The following CSMD1 variants were observed in gnomAD, a reference collection of about 807,000 sequenced individuals.
CSMD1 encodes the protein CUB and Sushi multiple domains 1.
A neutral mutation model predicts 417.5 loss-of-function variants in CSMD1; 213 were observed. That is an observed-to-expected ratio of 0.51 (90% CI 0.46 to 0.57). The LOEUF (loss-of-function observed/expected upper bound fraction) is 0.57, where lower values mean the gene tolerates loss of function less well. Ranked by LOEUF, CSMD1 falls within the 20% of genes least tolerant of loss-of-function variation. The pLI, the probability that CSMD1 is intolerant of heterozygous loss-of-function variation, is 0.00. For missense variants in CSMD1, 6,923 were observed against 4,529.7 expected, an observed-to-expected ratio of 1.53 and a Z score of -15.17; for synonymous variants, 2,862 against 1,736.8, an observed-to-expected ratio of 1.65 and a Z score of -16.11.
chr8:4,125,102 G>C (rs113552268), intron 3 of CSMD1, among the ~76,000 whole-genome samples: 11 of 130,000 alleles, frequency 8.5e-5, no homozygotes, highest in Non-Finnish European at 1.6e-4. Context: ...AAGCCGGTGA[G>C]ACCAGGAACA....
At chr8:4,812,260 T>C (rs1798950077) in intron 1 of CSMD1, among the ~76,000 whole-genome samples, 1 of 152,304 alleles carries the variant, frequency 6.6e-6, no homozygotes, top group Non-Finnish European at 1.5e-5. Context: ...CACAGATGAA[T>C]AGTTCTAAGT....
chr8:4,616,123 C>A (rs193191966), intron 2 of CSMD1, among the ~76,000 whole-genome samples: 62 of 152,288 alleles, frequency 4.1e-4, no homozygotes, highest in African/African-American at 1.4e-3. Flanking sequence ...CTTCCTATAA[C>A]ATACTCCCTT....
chr8:4,057,389 T>C (rs1798751313), intron 3 of CSMD1, among the ~76,000 whole-genome samples: 1 of 152,308 alleles, frequency 6.6e-6, no homozygotes, highest in Non-Finnish European at 1.5e-5. Flanking sequence ...TATTTGTTTT[T>C]TTCTTGTAAA....
intron 1 of CSMD1, among the ~76,000 whole-genome samples, chr8:4,773,149 G>C (rs576698097): frequency 6.6e-6 from 1 of 152,084 alleles, no homozygotes; most frequent in Admixed American, 6.5e-5. Flanking sequence ...TAAAAATAAA[G>C]TATCAGAAAT....
intron 3 of CSMD1, among the ~76,000 whole-genome samples, chr8:4,039,949 G>A (rs762838935): frequency 9.9e-5 from 15 of 152,190 alleles, no homozygotes; most frequent in Admixed American, 2.0e-4. Context: ...GTTTATTATA[G>A]AGAATTGTAA....
chr8:3,782,507 G>A (rs1331188198), intron 5 of CSMD1, among the ~76,000 whole-genome samples: 1 of 152,172 alleles, frequency 6.6e-6, no homozygotes, highest in Non-Finnish European at 1.5e-5. Context: ...TAAAAAGGAG[G>A]CTGGGGGAGG....
At chr8:3,472,375 C>G (rs145184467) in intron 11 of CSMD1, among the ~76,000 whole-genome samples, 71 of 152,234 alleles carry the variant, frequency 4.7e-4, no homozygotes, top group African/African-American at 1.5e-3. Context: ...GGGACCTCTA[C>G]TAATGATTTT....
chr8:4,258,634 G>T lies in CSMD1; in HGVS notation c.415+161319C>A, dbSNP rs373609430. On this transcript the variant is annotated intron_variant, in intron 3 of 69. Coordinates refer to ENST00000635120, the MANE Select transcript of CSMD1 (RefSeq NM_033225.6). ...ATAGGGGCACTCATTCTAACATGAG[G>T]GCCCCACCTACCCTCAGAACTTCAT... is the stretch of plus-strand genomic sequence containing the variant. Among the ~76,000 whole-genome samples, 6 of 151,766 alleles carry T rather than the reference G, an allele frequency of 4.0e-5. No homozygotes were observed. In the East Asian group the frequency reaches 1.2e-3, roughly 30 times the overall value.
chr8:3,585,974 A>G (rs1800581624), intron 9 of CSMD1, among the ~76,000 whole-genome samples, 162 bp downstream of exon 9: 1 of 152,226 alleles, frequency 6.6e-6, no homozygotes, highest in African/African-American at 2.4e-5. Flanking sequence ...GCAAATTCCA[A>G]GGAAAGGTTT....
chr8:4,069,501 C>G (rs1585246195), intron 3 of CSMD1, among the ~76,000 whole-genome samples: 1 of 152,182 alleles, frequency 6.6e-6, no homozygotes, highest in East Asian at 1.9e-4. Flanking sequence ...TGCAGACAGC[C>G]TGACATTTGC....
intron 25 of CSMD1, among the ~76,000 whole-genome samples, chr8:3,301,848 G>C (rs1260312323): frequency 6.6e-6 from 1 of 152,166 alleles, no homozygotes; most frequent in Non-Finnish European, 1.5e-5. Flanking sequence ...AAAGTAACAG[G>C]AAAGTCATGG....
At chr8:3,828,843 C>T (rs1254010212) in intron 5 of CSMD1, among the ~76,000 whole-genome samples, 5 of 152,080 alleles carry the variant, frequency 3.3e-5, no homozygotes, top group South Asian at 2.1e-4. Context: ...CAAAACTCCA[C>T]GAGATTTTGT....
intron 25 of CSMD1, among the ~76,000 whole-genome samples, chr8:3,296,537 G>C (rs930843559): frequency 6.6e-6 from 1 of 152,128 alleles, no homozygotes. Flanking sequence ...TTAAAGAACT[G>C]GCCGTGCTTG....
chr8:4,802,672 C>T (rs1416032895), intron 1 of CSMD1, among the ~76,000 whole-genome samples: 1 of 151,964 alleles, frequency 6.6e-6, no homozygotes, highest in African/African-American at 2.4e-5. Context: ...TTTGTAATAC[C>T]TCATTAATAC....
intron 3 of CSMD1, among the ~76,000 whole-genome samples, chr8:4,033,304 TG>T (rs1563342616): frequency 2.0e-5 from 3 of 151,758 alleles, no homozygotes; most frequent in African/African-American, 7.3e-5. Flanking sequence ...TAGCCGGGCG[TG>T]GTGGCGGGCA....
intron 1 of CSMD1, among the ~76,000 whole-genome samples, chr8:4,778,762 G>T (rs563744360): frequency 6.6e-6 from 1 of 152,122 alleles, no homozygotes; most frequent in Non-Finnish European, 1.5e-5. Context: ...CTCTCATAGT[G>T]GTTTGTTTAG....
intron 7 of CSMD1, among the ~76,000 whole-genome samples, chr8:3,665,751 G>T (rs558208145): frequency 6.6e-6 from 1 of 152,004 alleles, no homozygotes; most frequent in Non-Finnish European, 1.5e-5. Flanking sequence ...AATATAGGAA[G>T]GTGTTTATCC....
chr8:3,979,780 G>C (rs117448656), intron 5 of CSMD1, among the ~76,000 whole-genome samples: 3 of 152,162 alleles, frequency 2.0e-5, no homozygotes, highest in Admixed American at 6.5e-5. Context: ...TGTTATTTAA[G>C]CCACCGTCTG....
rs571883937 is a variant in CSMD1 at position 3,588,081 on chromosome 8, CT to C, written c.1098-1822del. On this transcript the variant is annotated intron_variant, in intron 8 of 69. Coordinates refer to ENST00000635120, the MANE Select transcript of CSMD1 (RefSeq NM_033225.6). The stretch of plus-strand genomic sequence containing the variant: ...GTTTAAACCTCATTTAAGAAATTTT[CT>C]TTTAAAAAATTGTTATATCTTTGTG... 5.3e-5 allele frequency among the ~76,000 whole-genome samples: 8 copies of C among 150,636 alleles called. No individual in the cohort carries two copies. In the East Asian group the frequency reaches 1.5e-3, roughly 29 times the overall value.
Sources: allele counts gnomAD v4.1 joint callset (sites outside exome capture counted in the v4.1 genomes callset), GRCh38; gene constraint gnomAD v4.1.1; transcripts MANE v1.5; gene names NCBI Gene and HGNC (gene_info 2026-07-23, HGNC 2026-07-21).